GMDS: variants seen among roughly 807,000 people sequenced by gnomAD.
The protein encoded by GMDS is GDP-mannose 4,6 dehydratase.
In GMDS, 20 loss-of-function variants were observed where a neutral mutation model predicts 49.9. The ratio of observed to expected loss-of-function variants is 0.40; its 90% CI spans 0.28 to 0.58. The LOEUF (loss-of-function observed/expected upper bound fraction) is 0.58, where lower values mean the gene tolerates loss of function less well. Ranked by LOEUF, GMDS falls within the 20% of genes least tolerant of loss-of-function variation. The probability of loss-of-function intolerance (pLI) is 0.42; values close to 1 mark genes in which losing one functional copy is unlikely to be tolerated. For synonymous variants in GMDS, 177 were observed against 178.6 expected (o/e 0.99, Z 0.07); for missense variants, 362 against 481.4 (o/e 0.75, Z 2.32).
intron 6 of GMDS, among the ~76,000 whole-genome samples, chr6:1,958,881 T>C (rs1763784206): frequency 6.6e-6 from 1 of 152,224 alleles, no homozygotes; most frequent in South Asian, 2.1e-4. Context: ...AGCATGTGCA[T>C]GCTTTGTAAA....
chr6:1,715,266 A>G (rs1766133762), intron 9 of GMDS, among the ~76,000 whole-genome samples: 2 of 152,196 alleles, frequency 1.3e-5, no homozygotes, highest in Non-Finnish European at 2.9e-5. Context: ...AAAGAGGAAC[A>G]TTATTATTTT....
At chr6:2,041,308 A>C (rs1255868555) in intron 4 of GMDS, among the ~76,000 whole-genome samples, 1 of 152,262 alleles carries the variant, frequency 6.6e-6, no homozygotes, top group African/African-American at 2.4e-5. Flanking sequence ...TGCCCAAAAA[A>C]TGGTAATAAA....
At chr6:2,196,516 TAC>T (rs1779281598) in intron 1 of GMDS, among the ~76,000 whole-genome samples, 1 of 152,228 alleles carries the variant, frequency 6.6e-6, no homozygotes, top group African/African-American at 2.4e-5. Context: ...TGTTTTTTTC[TAC>T]AGTGTTTGAT....
intron 7 of GMDS, among the ~76,000 whole-genome samples, chr6:1,794,152 CT>C (rs1481044761): frequency 6.6e-6 from 1 of 152,176 alleles, no homozygotes; most frequent in Non-Finnish European, 1.5e-5. Flanking sequence ...TTACTGGCCA[CT>C]TTTCCAATGC....
At chr6:2,057,391 T>C (rs1297832581) in intron 4 of GMDS, among the ~76,000 whole-genome samples, 1 of 152,238 alleles carries the variant, frequency 6.6e-6, no homozygotes, top group Admixed American at 6.5e-5. Flanking sequence ...CTTACATCAC[T>C]GTTTTACATA....
Position 1,909,060 on chromosome 6 carries a change from A to G in GMDS, c.771+21043T>C, listed in dbSNP as rs183610267. On this transcript the variant is annotated intron_variant, in intron 7 of 10. Coordinates refer to ENST00000380815, the MANE Select transcript of GMDS (RefSeq NM_001500.4). ...TATCCACCAGAAAACGCAGGATATT[A>G]GTCACACCGGTCAAGTTATAAACGT... Among the ~76,000 whole-genome samples the G allele has an allele frequency of 3.3e-5, 5 of 152,330 alleles. No homozygotes were observed. The East Asian group carries it at 9.6e-4, about 29-fold the overall frequency.
chr6:2,145,808 C>T (rs1472648689), intron 1 of GMDS, among the ~76,000 whole-genome samples: 7 of 152,142 alleles, frequency 4.6e-5, no homozygotes, highest in Admixed American at 1.3e-4. Context: ...CAAGAGGATG[C>T]CTTGGGCCCA....
At chr6:1,867,021 T>C (rs1379504318) in intron 7 of GMDS, among the ~76,000 whole-genome samples, 1 of 152,246 alleles carries the variant, frequency 6.6e-6, no homozygotes, top group Non-Finnish European at 1.5e-5. Context: ...TCAATTTATG[T>C]AAAAATTATG....
At chr6:1,730,687 T>C (rs1232937066) in intron 8 of GMDS, among the ~76,000 whole-genome samples, 2 of 152,064 alleles carry the variant, frequency 1.3e-5, no homozygotes, top group Non-Finnish European at 2.9e-5. Flanking sequence ...CCTATTTCCT[T>C]CCAATGAGGA....
chr6:2,025,520 A>C (rs1768543987), intron 4 of GMDS, among the ~76,000 whole-genome samples: 1 of 152,074 alleles, frequency 6.6e-6, no homozygotes. Flanking sequence ...ATACATGCAC[A>C]GTGGAAGATT....
At chr6:2,010,241 C>T (rs563276665) in intron 4 of GMDS, among the ~76,000 whole-genome samples, 109 of 151,098 alleles carry the variant, frequency 7.2e-4, no homozygotes, top group East Asian at 3.1e-3. Flanking sequence ...GCAAGAGAAT[C>T]GCTTGAACCC....
chr6:1,996,230 C>T (rs1766272357), intron 4 of GMDS, among the ~76,000 whole-genome samples: 1 of 152,062 alleles, frequency 6.6e-6, no homozygotes, highest in South Asian at 2.1e-4. Context: ...ACTCCCTGCC[C>T]CCAACAACTG....
intron 4 of GMDS, among the ~76,000 whole-genome samples, chr6:2,048,328 T>C (rs1219319475): frequency 6.6e-6 from 1 of 152,242 alleles, no homozygotes; most frequent in East Asian, 1.9e-4. Context: ...CCAGCATCAA[T>C]TATTAAAAAG....
chr6:2,204,347 A>ATTTACTATCTTCCTGCATACATCCCTT (rs1779689606), intron 1 of GMDS, among the ~76,000 whole-genome samples: 1 of 152,198 alleles, frequency 6.6e-6, no homozygotes. Flanking sequence ...ATTAAATAGC[A>ATTTACTATCTTCCTGCATACATCCCTT]ATGATTCCAT....
rs1258274151 is a variant in GMDS at position 1,726,653 on chromosome 6, G to A, written c.891-141C>T. On this transcript the variant is annotated intron_variant, in intron 8 of 10. Coordinates refer to ENST00000380815, the MANE Select transcript of GMDS (RefSeq NM_001500.4). ...CACAGCAGCACAGGCTGATGCTCCAGCTGATTATTAAAGCAACGGCGACTT... is the reference window on the plus strand; with the variant it reads ...CACAGCAGCACAGGCTGATGCTCCAACTGATTATTAAAGCAACGGCGACTT... 5.9e-5 allele frequency: 36 copies of A among 613,122 alleles called. 1 individual carries two copies. In the Admixed American group the frequency reaches 1.1e-3, roughly 18 times the overall value. The allele number at this position is 613,122 out of a possible 1,614,324, so 38.0% of individuals were successfully genotyped here. A position where few individuals can be genotyped will look rare whatever the true frequency, so the allele number is the denominator to read the frequency against.
chr6:1,715,062 C>A (rs1270230726), intron 9 of GMDS, among the ~76,000 whole-genome samples: 5 of 151,892 alleles, frequency 3.3e-5, no homozygotes, highest in African/African-American at 1.2e-4. Context: ...AGTTTCAGAA[C>A]AGATGAAGAA....
intron 9 of GMDS, among the ~76,000 whole-genome samples, chr6:1,691,335 C>T (rs1022919145): frequency 6.6e-6 from 1 of 151,442 alleles, no homozygotes; most frequent in Non-Finnish European, 1.5e-5. Context: ...CGGGGAGGGG[C>T]ACACACACTG....
In GMDS at chr6:2,049,981, G is replaced by A. The variant is rs1046755504; in HGVS notation, c.345+65790C>T. Among the ~76,000 whole-genome samples, 106 of 152,152 alleles carry A rather than the reference G, an allele frequency of 7.0e-4. 1 individual carries two copies. The highest frequency in any genetic ancestry group is 2.5e-3 in the African/African-American group (103 of 41,512). ...ACAATTAACAGAACTAGAGAAGCAA[G>A]AGCAAACAAATTCAAAAGCTAGCAG... On this transcript the variant is annotated intron_variant, in intron 4 of 10. Coordinates refer to ENST00000380815, the MANE Select transcript of GMDS (RefSeq NM_001500.4).
Position 1,778,432 on chromosome 6 carries a change from C to T in GMDS, c.772-35846G>A, listed in dbSNP as rs1170570938. Among the ~76,000 whole-genome samples the T allele has an allele frequency of 1.3e-5, 2 of 152,126 alleles. No homozygotes were observed. Among genetic ancestry groups the T allele is most frequent in the South Asian group, 2.1e-4 (1 of 4,830 alleles). The stretch of plus-strand genomic sequence containing the variant: ...TGGAGACAGCAGACGAGTGGAACGG[C>T]GGGCACTGTGCTGAGGAGTGGCCAA... On this transcript the variant is annotated intron_variant, in intron 7 of 10. Transcript: ENST00000380815. The surrounding 1 kb of genome is among the most constrained non-coding windows in gnomAD (Gnocchi z 4.6).
Sources: allele counts gnomAD v4.1 joint callset (sites outside exome capture counted in the v4.1 genomes callset), GRCh38; gene constraint gnomAD v4.1.1; non-coding constraint Gnocchi (gnomAD v3.1); transcripts MANE v1.5; gene names NCBI Gene and HGNC (gene_info 2026-07-23, HGNC 2026-07-21).